BACH2: variants seen among roughly 807,000 people sequenced by gnomAD.
BACH2 encodes the protein transcription regulator protein BACH2.
A neutral mutation model predicts 61.8 loss-of-function variants in BACH2; 5 were observed. That is an observed-to-expected ratio of 0.08 (90% CI 0.04 to 0.17). The LOEUF (loss-of-function observed/expected upper bound fraction) is 0.17, where lower values mean the gene tolerates loss of function less well. Ranked by LOEUF, BACH2 falls within the 10% of genes least tolerant of loss-of-function variation. BACH2 has a pLI of 1.00. For missense variants in BACH2, 824 were observed against 1,091.1 expected (o/e 0.76, Z 3.45); for synonymous variants, 446 against 440.1 (o/e 1.01, Z -0.17).
At chr6:90,272,866 A>G (rs1771571779) in intron 1 of BACH2, among the ~76,000 whole-genome samples, 1 of 152,068 alleles carries the variant, frequency 6.6e-6, no homozygotes, top group Non-Finnish European at 1.5e-5. Context: ...TCTTTCTATC[A>G]CTACCCCTGC....
intron 5 of BACH2, among the ~76,000 whole-genome samples, chr6:90,061,751 T>C (rs1489050694): frequency 6.6e-6 from 1 of 151,834 alleles, no homozygotes; most frequent in African/African-American, 2.4e-5. Flanking sequence ...CAGAGAAAAG[T>C]GGGTTCCAGG....
intron 5 of BACH2, among the ~76,000 whole-genome samples, chr6:90,086,128 T>C (rs1370290857): frequency 3.9e-5 from 6 of 152,194 alleles, no homozygotes; most frequent in Admixed American, 3.9e-4. Context: ...ATCTTCAGGG[T>C]TCCTCCATGT....
intron 5 of BACH2, among the ~76,000 whole-genome samples, chr6:90,010,687 G>A (rs1207186214): frequency 6.6e-6 from 1 of 152,194 alleles, no homozygotes; most frequent in Non-Finnish European, 1.5e-5. Flanking sequence ...TAAAGTGGCT[G>A]TAACATTTTA....
chr6:90,229,809 G>A (rs1290701523), intron 3 of BACH2, among the ~76,000 whole-genome samples: 1 of 152,182 alleles, frequency 6.6e-6, no homozygotes, highest in East Asian at 1.9e-4. Context: ...TAGGCATGGT[G>A]GTAGATATGA....
At chr6:90,228,174 C>A (rs1769977152) in intron 3 of BACH2, among the ~76,000 whole-genome samples, 2 of 152,218 alleles carry the variant, frequency 1.3e-5, no homozygotes, top group Non-Finnish European at 2.9e-5. Context: ...CAGTTGATTA[C>A]ATTAATCTGA....
At position 90,191,096 on chromosome 6, in the gene BACH2, G is replaced by A. The variant is rs184767985; in HGVS notation, c.-162+15473C>T. 3.9e-4 allele frequency among the ~76,000 whole-genome samples: 59 copies of A among 152,264 alleles called. No individual in the cohort carries two copies. In the East Asian group the frequency reaches 0.01, roughly 26 times the overall value. On this transcript the variant is annotated intron_variant, in intron 4 of 8. Transcript: ENST00000257749. ...CACTGGTTTTCTTCATCTTGCCTTC[G>A]GGCCAGGCCCATCCGTGACTTAAGG... is the stretch of plus-strand genomic sequence containing the variant.
At chr6:90,119,145 G>A (rs1213820165) in intron 4 of BACH2, among the ~76,000 whole-genome samples, 5 of 152,176 alleles carry the variant, frequency 3.3e-5, no homozygotes. Context: ...GTCTTTAGGT[G>A]GCACTTGCAA....
At chr6:89,949,977 G>A in intron 7 of BACH2, 2 of 458,442 alleles carry the variant, frequency 4.4e-6, no homozygotes, top group Non-Finnish European at 8.1e-6. Context: ...GGGGTCTGGA[G>A]TGCCTCAGTG....
rs1365628613 is a variant in BACH2 at position 89,951,242 on chromosome 6, G to C, written c.864C>G (p.Ser288Arg). Residue 288 changes from serine to arginine, a missense_variant, in exon 7 of 9, where the codon AGC becomes AGG. Around this residue, in one of 8 missense-constraint regions of BACH2, gnomAD observed 226 missense variants for 228.5 expected, o/e 0.99. Coordinates refer to ENST00000257749, the MANE Select transcript of BACH2 (RefSeq NM_021813.4). This position sits in a 1 kb window ranked among gnomAD's most constrained non-coding sequence, Gnocchi z 6.4. ...EPPSEENEEESITLCLSGDEP... is the reference protein window; with the variant it reads ...EPPSEENEEERITLCLSGDEP... ...CATCTCCAGACAGGCAGAGCGTGAT[G>C]CTCTCTTCCTCATTCTCTTCACTGG... The C allele has an allele frequency of 1.1e-5, 17 of 1,613,994 alleles. No individual in the cohort carries two copies. The highest frequency in any genetic ancestry group is 1.4e-5 in the Non-Finnish European group (17 of 1,180,038).
intron 5 of BACH2, among the ~76,000 whole-genome samples, chr6:90,076,419 T>A (rs943791827): frequency 2.0e-5 from 3 of 152,168 alleles, no homozygotes; most frequent in African/African-American, 2.4e-5. Context: ...TCCCTTATGG[T>A]CCATGGTAAC....
chr6:89,992,083 T>G (rs1776605576), intron 6 of BACH2, among the ~76,000 whole-genome samples: 1 of 152,204 alleles, frequency 6.6e-6, no homozygotes, highest in South Asian at 2.1e-4. Flanking sequence ...ATACAGAGTC[T>G]CACTCCTATC....
intron 5 of BACH2, among the ~76,000 whole-genome samples, chr6:90,014,464 ATATATTTTTTT>A (rs1777934454): frequency 1.8e-5 from 1 of 56,406 alleles, no homozygotes; most frequent in East Asian, 4.5e-4. Flanking sequence ...ATATATATAT[ATATATTTTTTT>A]TTTTTTTTTT....
rs995423519 is a variant in BACH2 at position 90,211,612 on chromosome 6, G to GTT, written c.-274-4932_-274-4931insAA. Among the ~76,000 whole-genome samples the GTT allele has an allele frequency of 3.3e-5, 5 of 151,492 alleles. No homozygotes were observed. The East Asian group carries it at 7.7e-4, about 23-fold the overall frequency. ...GCTGTGTGTGTGTGTGTGTGTGTGT[G>GTT]TGTGTGTGTGTGTGTGTGTGCTCTC... On this transcript the variant is annotated intron_variant, in intron 3 of 8. Coordinates refer to ENST00000257749, the MANE Select transcript of BACH2 (RefSeq NM_021813.4).
chr6:89,970,265 CCT>C (rs1215620980), intron 6 of BACH2, among the ~76,000 whole-genome samples: 1 of 152,194 alleles, frequency 6.6e-6, no homozygotes, highest in African/African-American at 2.4e-5. Context: ...CTGGCAGTGC[CCT>C]GTTCCCAGTT....
intron 5 of BACH2, among the ~76,000 whole-genome samples, chr6:90,048,097 G>C (rs2127793530): frequency 1.3e-5 from 2 of 152,026 alleles, no homozygotes; most frequent in Admixed American, 1.3e-4. Context: ...TAATAACCGA[G>C]ATTAGTTTCA....
chr6:90,132,899 A>G (rs1784124796), intron 4 of BACH2, among the ~76,000 whole-genome samples: 1 of 152,110 alleles, frequency 6.6e-6, no homozygotes, highest in African/African-American at 2.4e-5. Flanking sequence ...TCCCACCCAA[A>G]GTGCCCACTT....
intron 6 of BACH2, among the ~76,000 whole-genome samples, chr6:89,980,560 T>C (rs1187698198): frequency 6.6e-6 from 1 of 152,214 alleles, no homozygotes; most frequent in Non-Finnish European, 1.5e-5. Flanking sequence ...GCTAATGTTA[T>C]GACCTGGTAC....
At position 90,219,853 on chromosome 6, in the gene BACH2, G is replaced by A. The variant is rs977540150; in HGVS notation, c.-274-13172C>T. 5.9e-5 allele frequency among the ~76,000 whole-genome samples: 9 copies of A among 152,016 alleles called. No homozygotes were observed. The East Asian group carries it at 9.7e-4, about 16-fold the overall frequency. On this transcript the variant is annotated intron_variant, in intron 3 of 8. Coordinates refer to ENST00000257749, the MANE Select transcript of BACH2 (RefSeq NM_021813.4). Reference sequence around the variant, plus strand: ...TGCCTCTGCATTCAATCTGCCTGACGTCAGTCTCACACAGGATGACATACC... The same window carrying A: ...TGCCTCTGCATTCAATCTGCCTGACATCAGTCTCACACAGGATGACATACC...
intron 4 of BACH2, among the ~76,000 whole-genome samples, chr6:90,128,689 T>C (rs1562463060): frequency 6.6e-6 from 1 of 152,216 alleles, no homozygotes; most frequent in Non-Finnish European, 1.5e-5. Flanking sequence ...AAATACCATT[T>C]GACCCAGCAA....
Sources: allele counts gnomAD v4.1 joint callset (sites outside exome capture counted in the v4.1 genomes callset), GRCh38; gene constraint gnomAD v4.1.1; regional missense constraint gnomAD v4.1.1; non-coding constraint Gnocchi (gnomAD v3.1); transcripts MANE v1.5; gene names NCBI Gene and HGNC (gene_info 2026-07-23, HGNC 2026-07-21).